TTC6: variants seen among roughly 807,000 people sequenced by gnomAD.
The protein encoded by TTC6 is tetratricopeptide repeat protein 6.
Under a neutral mutation model 210.4 loss-of-function variants are expected in TTC6, and 172 were observed. That is an observed-to-expected ratio of 0.82 (90% CI 0.72 to 0.93). TTC6 has a LOEUF of 0.93. TTC6 is among the 40% of genes least tolerant of loss of function. The probability of loss-of-function intolerance (pLI) is 0.00; values close to 1 mark genes in which losing one functional copy is unlikely to be tolerated. For missense variants in TTC6, 2,414 were observed against 2,318.1 expected (o/e 1.04, Z -0.85); for synonymous variants, 804 against 819.6 (o/e 0.98, Z 0.32).
intron 5 of TTC6, among the ~76,000 whole-genome samples, chr14:37,704,462 T>A (rs1375087095): frequency 6.6e-6 from 1 of 152,152 alleles, no homozygotes; most frequent in African/African-American, 2.4e-5. Context: ...TCTTTTTGAA[T>A]TTTTTCTAAT....
At chr14:37,727,170 A>G (rs938672231) in intron 7 of TTC6, among the ~76,000 whole-genome samples, 3 of 151,806 alleles carry the variant, frequency 2.0e-5, no homozygotes, top group Non-Finnish European at 4.4e-5. Flanking sequence ...ACCATCTTTG[A>G]CCAAAAACCT....
At chr14:37,750,314 C>T (rs180769214) in intron 12 of TTC6, among the ~76,000 whole-genome samples, 3 of 152,244 alleles carry the variant, frequency 2.0e-5, no homozygotes, top group Non-Finnish European at 1.5e-5. Flanking sequence ...ATGTGATATT[C>T]ACCTTTGTAT....
chr14:37,683,030 A>G (rs2095787334), intron 3 of TTC6, 66 bp downstream of exon 5: 1 of 1,466,578 alleles, frequency 6.8e-7, no homozygotes, highest in Admixed American at 2.0e-5. Flanking sequence ...AGGTGTGAAG[A>G]ATTGGCCCAG....
chr14:37,766,854 G>T (rs1243762476), intron 14 of TTC6, among the ~76,000 whole-genome samples: 1 of 151,984 alleles, frequency 6.6e-6, no homozygotes, highest in Non-Finnish European at 1.5e-5. Flanking sequence ...ACATTGTACA[G>T]GTTAGTTACG....
intron 1 of TTC6, among the ~76,000 whole-genome samples, chr14:37,635,233 A>G (rs1174016369): frequency 6.6e-6 from 1 of 152,226 alleles, no homozygotes; most frequent in Non-Finnish European, 1.5e-5. Flanking sequence ...GTGTAACTCT[A>G]ATTGGAACAA....
chr14:37,835,519 A>G (rs931173703), intron 29 of TTC6, among the ~76,000 whole-genome samples: 4 of 152,172 alleles, frequency 2.6e-5, no homozygotes, highest in Non-Finnish European at 4.4e-5. Context: ...CACACTACCC[A>G]TTATGTCATT....
intron 7 of TTC6, among the ~76,000 whole-genome samples, chr14:37,732,230 T>C (rs2095888595): frequency 8.0e-6 from 1 of 124,698 alleles, no homozygotes; most frequent in Admixed American, 1.1e-4. Context: ...TCACCCAGGC[T>C]GGAGTGCAGT....
chr14:37,839,109 G>T (rs1179584573), intron 29 of TTC6, among the ~76,000 whole-genome samples: 1 of 152,152 alleles, frequency 6.6e-6, no homozygotes, highest in East Asian at 1.9e-4. Flanking sequence ...ATAAACATAC[G>T]TGTGCATGTG....
intron 20 of TTC6, chr14:37,802,445 A>G (rs11156970): frequency 0.29 from 43,280 of 151,834 alleles, 6,972 homozygotes; most frequent in South Asian, 0.49. Context: ...AGTCTCAAGG[A>G]AATGAAGGCT....
At chr14:37,685,661 T>C (rs58505051) in intron 3 of TTC6, among the ~76,000 whole-genome samples, 2,635 of 152,206 alleles carry the variant, frequency 0.017, 74 homozygotes, top group African/African-American at 0.061. Flanking sequence ...GAAAGAAGAA[T>C]TCATAATAGA....
chr14:37,792,612 C>T (rs1595274200), intron 17 of TTC6, among the ~76,000 whole-genome samples, 198 bp downstream of exon 19: 1 of 151,916 alleles, frequency 6.6e-6, no homozygotes, highest in Non-Finnish European at 1.5e-5. Context: ...ATTTTTATGT[C>T]TTTCACTTTT....
chr14:37,597,182 G>T (rs2095606326), intron 1 of TTC6, among the ~76,000 whole-genome samples: 1 of 152,108 alleles, frequency 6.6e-6, no homozygotes, highest in South Asian at 2.1e-4. Flanking sequence ...TCTGCGAATT[G>T]TGTGTCAGAA....
intron 1 of TTC6, among the ~76,000 whole-genome samples, chr14:37,675,290 T>C (rs2095766666): frequency 6.6e-6 from 1 of 152,138 alleles, no homozygotes; most frequent in African/African-American, 2.4e-5. Context: ...GATTTACCTA[T>C]TCTGGATGTT....
intron 2 of TTC6, among the ~76,000 whole-genome samples, chr14:37,615,744 G>A (rs770729147): frequency 5.3e-5 from 8 of 151,722 alleles, no homozygotes; most frequent in Non-Finnish European, 1.0e-4. Flanking sequence ...TTTCTGGACT[G>A]GGATCTGTTC....
At chr14:37,633,494 C>T (rs1384011954) in intron 1 of TTC6, among the ~76,000 whole-genome samples, 1 of 152,164 alleles carries the variant, frequency 6.6e-6, no homozygotes, top group Non-Finnish European at 1.5e-5. Flanking sequence ...CTGTGTACCT[C>T]AGTTGGAAAT....
At chr14:37,688,635 C>A (rs2095798170) in intron 3 of TTC6, among the ~76,000 whole-genome samples, 1 of 152,020 alleles carries the variant, frequency 6.6e-6, no homozygotes, top group African/African-American at 2.4e-5. Context: ...TTGTTTAGGA[C>A]AAAGTAAAGA....
At chr14:37,647,197 C>G (rs950425019) in intron 1 of TTC6, among the ~76,000 whole-genome samples, 1 of 152,182 alleles carries the variant, frequency 6.6e-6, no homozygotes, top group South Asian at 2.1e-4. Context: ...GTGGATTTCA[C>G]TCTGAGTGAT....
At chr14:37,727,291 A>ATTT (rs368293440) in intron 7 of TTC6, among the ~76,000 whole-genome samples, 236 of 92,226 alleles carry the variant, frequency 2.6e-3, no homozygotes, top group Middle Eastern at 0.018. Context: ...TATTTTTCTA[A>ATTT]TTTTTTTTTT....
At chr14:37,839,297 T>G (rs1250908538) in intron 29 of TTC6, among the ~76,000 whole-genome samples, 2 of 152,214 alleles carry the variant, frequency 1.3e-5, no homozygotes, top group African/African-American at 4.8e-5. Context: ...CCACATCCTC[T>G]CCAGCATCTG....
Sources: gnomAD v4.1 joint callset for allele counts (sites outside exome capture counted in the v4.1 genomes callset) on GRCh38, gnomAD v4.1.1 for gene constraint, MANE v1.5 for transcripts, NCBI Gene and HGNC (gene_info 2026-07-23, HGNC 2026-07-21) for gene names.